DOCK4: variants seen among roughly 807,000 people sequenced by gnomAD.
DOCK4 encodes dedicator of cytokinesis protein 4.
In DOCK4, 97 loss-of-function variants were observed where a neutral mutation model predicts 268.1. That is an observed-to-expected ratio of 0.36 (90% CI 0.31 to 0.43). The LOEUF (loss-of-function observed/expected upper bound fraction) is 0.43, where lower values mean the gene tolerates loss of function less well. Among genes scored for constraint, DOCK4 ranks in the 20% least tolerant of loss-of-function variants. DOCK4 has a pLI of 1.00. For synonymous variants in DOCK4, 954 were observed against 887.2 expected (o/e 1.08, Z -1.34); for missense variants, 2,145 against 2,455.7 (o/e 0.87, Z 2.67).
At chr7:112,048,389 C>CAAAAAAAAAAAA (rs59810546) in intron 1 of DOCK4, among the ~76,000 whole-genome samples, 39 of 71,938 alleles carry the variant, frequency 5.4e-4, no homozygotes, top group Non-Finnish European at 8.0e-4. Context: ...ACTAAAAATA[C>CAAAAAAAAAAAA]AAAAAAAAAA....
rs575753427 is a variant in DOCK4 at position 111,971,611 on chromosome 7, G to C, written c.701+5521C>G. ...GGTGATAGTGTTAATCCTGCTCAAA[G>C]AACAGGTAGTCTCTTAGTGGACACA... On this transcript the variant is annotated intron_variant, in intron 8 of 52. Coordinates refer to ENST00000428084, the MANE Select transcript of DOCK4 (RefSeq NM_001363540.2). 61 of 211,160 alleles carry C rather than the reference G, an allele frequency of 2.9e-4. No homozygotes were observed. In the South Asian group the frequency reaches 4.2e-3, roughly 14 times the overall value. The allele number at this position is 211,160 out of a possible 1,614,324, so 13.1% of individuals were successfully genotyped here.
chr7:111,833,367 C>T (rs141070991), intron 26 of DOCK4, among the ~76,000 whole-genome samples: 1 of 152,080 alleles, frequency 6.6e-6, no homozygotes, highest in Non-Finnish European at 1.5e-5. Flanking sequence ...CATAGTGAGA[C>T]CCTGCCTCTA....
intron 39 of DOCK4, among the ~76,000 whole-genome samples, chr7:111,764,187 A>T (rs773231120): frequency 1.3e-5 from 2 of 152,204 alleles, no homozygotes; most frequent in Non-Finnish European, 2.9e-5. Context: ...GTGATACTAA[A>T]ATGAACCTGT....
At chr7:111,932,378 C>T (rs180750184) in intron 12 of DOCK4, among the ~76,000 whole-genome samples, 99 of 152,132 alleles carry the variant, frequency 6.5e-4, no homozygotes, top group African/African-American at 2.0e-3. Flanking sequence ...CAAATGCAAG[C>T]AAATTAAGGT....
chr7:112,159,564 G>A (rs1315812325), intron 1 of DOCK4, among the ~76,000 whole-genome samples: 2 of 151,990 alleles, frequency 1.3e-5, no homozygotes, highest in Admixed American at 6.6e-5. Context: ...TCGTACTTCC[G>A]TATTTCTTTT....
intron 1 of DOCK4, among the ~76,000 whole-genome samples, chr7:112,083,880 T>C (rs1031119091): frequency 6.6e-6 from 1 of 152,160 alleles, no homozygotes; most frequent in Non-Finnish European, 1.5e-5. Context: ...ATGGAATAAG[T>C]ATACTTCCCT....
At chr7:111,928,890 G>C (rs1464705047) in intron 12 of DOCK4, among the ~76,000 whole-genome samples, 1 of 152,046 alleles carries the variant, frequency 6.6e-6, no homozygotes, top group East Asian at 1.9e-4. Flanking sequence ...AACCTGGCTA[G>C]GATTTTCTTT....
chr7:111,835,727 GACTTTATAAGT>G (rs920359812), intron 25 of DOCK4, among the ~76,000 whole-genome samples: 2 of 152,148 alleles, frequency 1.3e-5, no homozygotes, highest in Non-Finnish European at 2.9e-5. Context: ...AGAGACTACA[GACTTTATAAGT>G]AGAGACTAAA....
chr7:111,845,785 T>A (rs548908495), intron 24 of DOCK4, among the ~76,000 whole-genome samples: 2 of 152,300 alleles, frequency 1.3e-5, no homozygotes, highest in East Asian at 3.9e-4. Flanking sequence ...GTGATTTCTT[T>A]TTATTTCTCT....
intron 1 of DOCK4, among the ~76,000 whole-genome samples, chr7:112,200,733 AAAAAAC>A (rs1293832980): frequency 3.4e-5 from 4 of 117,760 alleles, no homozygotes; most frequent in Admixed American, 8.4e-5. Context: ...AATAAAAAAA[AAAAAAC>A]AAAAAAAAAC....
At chr7:112,127,292 C>T (rs1813313860) in intron 1 of DOCK4, among the ~76,000 whole-genome samples, 1 of 151,354 alleles carries the variant, frequency 6.6e-6, no homozygotes, top group Non-Finnish European at 1.5e-5. Flanking sequence ...TCATCATTCT[C>T]AGTAAACTAT....
chr7:111,806,370 T>A (rs1305901824), intron 30 of DOCK4, among the ~76,000 whole-genome samples: 1 of 152,332 alleles, frequency 6.6e-6, no homozygotes, highest in East Asian at 1.9e-4. Flanking sequence ...TTAACATTTC[T>A]GAATTTTTTC....
At chr7:111,741,065 C>A in intron 47 of DOCK4, 29 bp downstream of exon 47, 4 of 1,612,140 alleles carry the variant, frequency 2.5e-6, no homozygotes, top group Non-Finnish European at 3.4e-6. Context: ...AAGGAATAAA[C>A]ACAACCAGAC....
At chr7:112,040,664 T>C (rs1224709415) in intron 1 of DOCK4, among the ~76,000 whole-genome samples, 2 of 152,040 alleles carry the variant, frequency 1.3e-5, no homozygotes, top group Non-Finnish European at 2.9e-5. Context: ...AACCCACAAA[T>C]ACATTTCAAT....
At chr7:111,846,884 A>G in intron 24 of DOCK4, 115 bp downstream of exon 24, 1 of 1,237,002 alleles carries the variant, frequency 8.1e-7, no homozygotes, top group Non-Finnish European at 1.1e-6. Context: ...CCAGCTGGAA[A>G]TAAAAGTGGG....
chr7:111,880,978 T>C (rs1807333253), intron 16 of DOCK4, among the ~76,000 whole-genome samples: 1 of 152,154 alleles, frequency 6.6e-6, no homozygotes. Context: ...GAAACTACTG[T>C]AAGAAAACAT....
chr7:111,857,087 C>T (rs1805072094), intron 23 of DOCK4, among the ~76,000 whole-genome samples: 1 of 151,994 alleles, frequency 6.6e-6, no homozygotes, highest in South Asian at 2.1e-4. Context: ...GCAATAAAAC[C>T]CAACACTAAA....
chr7:111,864,849 A>G (rs563604390), intron 22 of DOCK4, among the ~76,000 whole-genome samples: 2 of 152,324 alleles, frequency 1.3e-5, no homozygotes, highest in East Asian at 3.9e-4. Context: ...TGAAAAGTCA[A>G]CTAAGTTGAT....
At chr7:111,940,293 C>A in intron 10 of DOCK4, 51 bp from the exon 11 acceptor site, 1 of 1,609,870 alleles carries the variant, frequency 6.2e-7, no homozygotes, top group South Asian at 1.1e-5. Context: ...TGATTAGATG[C>A]ATCTTAGGTA....
Sources: gnomAD v4.1 joint callset for allele counts (sites outside exome capture counted in the v4.1 genomes callset) on GRCh38, gnomAD v4.1.1 for gene constraint, MANE v1.5 for transcripts, NCBI Gene and HGNC (gene_info 2026-07-23, HGNC 2026-07-21) for gene names.